PKNOX2: variants seen among roughly 807,000 people sequenced by gnomAD.
The protein encoded by PKNOX2 is homeobox protein PKNOX2.
A neutral mutation model predicts 53.1 loss-of-function variants in PKNOX2; 14 were observed. The ratio of observed to expected loss-of-function variants is 0.26; its 90% CI spans 0.17 to 0.41. The LOEUF (loss-of-function observed/expected upper bound fraction) is 0.41, where lower values mean the gene tolerates loss of function less well. PKNOX2 is among the 10% of genes least tolerant of loss of function. PKNOX2 has a pLI of 1.00. For missense variants in PKNOX2, 496 were observed against 602.8 expected (o/e 0.82, Z 1.85); for synonymous variants, 257 against 242.8 (o/e 1.06, Z -0.54).
At chr11:125,242,601 G>T (rs1296071572) in intron 2 of PKNOX2, among the ~76,000 whole-genome samples, 1 of 152,052 alleles carries the variant, frequency 6.6e-6, no homozygotes, top group Non-Finnish European at 1.5e-5. Context: ...TGCATTCCAT[G>T]CTGGGGATAG....
chr11:125,192,589 G>A lies in PKNOX2; in HGVS notation c.-201+27813G>A, dbSNP rs140101533. ...TCCTCCCACAAGTGATAACAACAAT[G>A]AAATAGTAACAGCCACCCTTTATTG... On this transcript the variant is annotated intron_variant, in intron 1 of 12. Coordinates refer to ENST00000298282, the MANE Select transcript of PKNOX2 (RefSeq NM_001382323.2). Among the ~76,000 whole-genome samples the A allele has an allele frequency of 5.3e-3, 802 of 152,314 alleles. 6 individuals are homozygous for A. The highest frequency in any genetic ancestry group is 0.018 in the African/African-American group (732 of 41,566).
chr11:125,195,923 A>AC (rs1565466613), intron 1 of PKNOX2, among the ~76,000 whole-genome samples: 5 of 144,106 alleles, frequency 3.5e-5, no homozygotes, highest in Non-Finnish European at 7.6e-5. Context: ...ACACACACAC[A>AC]ATTCATTGAC....
chr11:125,207,731 G>C (rs1565469449), intron 1 of PKNOX2, among the ~76,000 whole-genome samples: 1 of 152,054 alleles, frequency 6.6e-6, no homozygotes, highest in Non-Finnish European at 1.5e-5. Flanking sequence ...GGAAGAGATT[G>C]GAGACGGGTA....
intron 2 of PKNOX2, among the ~76,000 whole-genome samples, chr11:125,307,383 C>T (rs1427392230): frequency 1.3e-5 from 2 of 152,122 alleles, no homozygotes; most frequent in African/African-American, 2.4e-5. Context: ...CATGGTGAAA[C>T]CCTGTGTCTA....
At chr11:125,182,427 G>C (rs767956142) in intron 1 of PKNOX2, among the ~76,000 whole-genome samples, 3 of 152,200 alleles carry the variant, frequency 2.0e-5, no homozygotes, top group Non-Finnish European at 4.4e-5. Context: ...TGACAGACCA[G>C]GGTTCAAATC....
At chr11:125,221,087 G>T (rs1446427456) in intron 1 of PKNOX2, among the ~76,000 whole-genome samples, 1 of 152,130 alleles carries the variant, frequency 6.6e-6, no homozygotes, top group Non-Finnish European at 1.5e-5. Context: ...CCTGGGAGGT[G>T]GAGGTTGCAG....
intron 1 of PKNOX2, among the ~76,000 whole-genome samples, chr11:125,226,168 C>G (rs1188498044): frequency 3.3e-5 from 5 of 152,172 alleles, no homozygotes; most frequent in African/African-American, 1.2e-4. Context: ...GCTTTGCAGG[C>G]AAGGCAGGAA....
chr11:125,417,851 C>T (rs1024272805), intron 10 of PKNOX2, among the ~76,000 whole-genome samples: 49 of 152,122 alleles, frequency 3.2e-4, no homozygotes, highest in African/African-American at 1.0e-3. Context: ...CATCCAGCTG[C>T]ACTCTGCCAT....
At position 125,310,472 on chromosome 11, in the gene PKNOX2, G is replaced by A. The variant is rs1169800719; in HGVS notation, c.-129-21347G>A. On this transcript the variant is annotated intron_variant, in intron 2 of 12. Transcript: ENST00000298282. ...ATCCTACCACTGCACTCCAGCCTGT[G>A]AGATAGAGTGAGACTCTGTCTCAAA... Among the ~76,000 whole-genome samples, 7 of 151,668 alleles carry A rather than the reference G, an allele frequency of 4.6e-5. No homozygotes were observed. The East Asian group carries it at 1.3e-3, about 29-fold the overall frequency.
rs955163480 is a variant in PKNOX2, at chr11:125,352,657, A to T, written c.87+1265A>T. Among the ~76,000 whole-genome samples the T allele has an allele frequency of 6.6e-6, 1 of 152,222 alleles. No homozygotes were observed. Among genetic ancestry groups the T allele is most frequent in the Non-Finnish European group, 1.5e-5 (1 of 68,038 alleles). ...GGGGCTTCTTTCTAGCGTACCCAGC[A>T]TATGGAACACCTTTGCTCTGCCCTT... On this transcript the variant is annotated intron_variant, in intron 4 of 12. Coordinates refer to ENST00000298282, the MANE Select transcript of PKNOX2 (RefSeq NM_001382323.2). This position sits in a 1 kb window ranked among gnomAD's most constrained non-coding sequence, Gnocchi z 4.1.
At chr11:125,401,733 G>A (rs563025065) in intron 7 of PKNOX2, among the ~76,000 whole-genome samples, 3 of 152,092 alleles carry the variant, frequency 2.0e-5, no homozygotes, top group African/African-American at 4.8e-5. Context: ...CAAGACACAG[G>A]AGCCTGTATG....
At chr11:125,245,213 T>G (rs1943468067) in intron 2 of PKNOX2, among the ~76,000 whole-genome samples, 2 of 152,138 alleles carry the variant, frequency 1.3e-5, no homozygotes, top group Admixed American at 1.3e-4. Context: ...GTGATCCCCA[T>G]GACTGTCAAG....
intron 10 of PKNOX2, among the ~76,000 whole-genome samples, chr11:125,423,470 C>T (rs1180335585): frequency 6.6e-6 from 1 of 152,176 alleles, no homozygotes; most frequent in East Asian, 1.9e-4. Context: ...CTGATGCTTT[C>T]CCCACTCACC....
chr11:125,389,356 ACTC>A (rs1186476142), intron 6 of PKNOX2, among the ~76,000 whole-genome samples: 1 of 151,288 alleles, frequency 6.6e-6, no homozygotes, highest in Non-Finnish European at 1.5e-5. Context: ...TCACACCACC[ACTC>A]CTCCTTCACT....
intron 4 of PKNOX2, among the ~76,000 whole-genome samples, chr11:125,354,496 A>T (rs1309653447): frequency 6.6e-6 from 1 of 152,148 alleles, no homozygotes; most frequent in Non-Finnish European, 1.5e-5. Context: ...AAGTCCCCCA[A>T]ATGAAAAAGG....
chr11:125,301,448 C>T (rs187297749), intron 2 of PKNOX2, among the ~76,000 whole-genome samples: 1 of 151,994 alleles, frequency 6.6e-6, no homozygotes, highest in African/African-American at 2.4e-5. Context: ...TCACTTCCCA[C>T]AGCTGGCAGC....
intron 4 of PKNOX2, among the ~76,000 whole-genome samples, chr11:125,355,794 T>G (rs1951572778): frequency 6.6e-6 from 1 of 152,140 alleles, no homozygotes; most frequent in Admixed American, 6.5e-5. Flanking sequence ...CAGAATTTTC[T>G]TGGGAACACA....
intron 2 of PKNOX2, among the ~76,000 whole-genome samples, chr11:125,267,126 C>T (rs1313928955): frequency 6.6e-6 from 1 of 152,204 alleles, no homozygotes; most frequent in African/African-American, 2.4e-5. Context: ...GCTAACTCAC[C>T]TTCTCTTCTG....
chr11:125,421,795 C>T (rs574350402), intron 10 of PKNOX2, among the ~76,000 whole-genome samples: 1 of 152,358 alleles, frequency 6.6e-6, no homozygotes, highest in East Asian at 1.9e-4. Context: ...CGCCCGGAGA[C>T]CAGCCGGGGA....
Sources: allele counts gnomAD v4.1 joint callset (sites outside exome capture counted in the v4.1 genomes callset), GRCh38; gene constraint gnomAD v4.1.1; non-coding constraint Gnocchi (gnomAD v3.1); transcripts MANE v1.5; gene names NCBI Gene and HGNC (gene_info 2026-07-23, HGNC 2026-07-21).